ADAM9: variants seen among roughly 807,000 people sequenced by gnomAD.
The protein encoded by ADAM9 is ADAM metallopeptidase domain 9.
ADAM9 carries 54 observed loss-of-function variants against 108.1 expected under a neutral mutation model. That is an observed-to-expected ratio of 0.50 (90% CI 0.40 to 0.63). The LOEUF (loss-of-function observed/expected upper bound fraction) is 0.63, where lower values mean the gene tolerates loss of function less well. ADAM9 is among the 20% of genes least tolerant of loss of function. The probability of loss-of-function intolerance (pLI) is 0.00; values close to 1 mark genes in which losing one functional copy is unlikely to be tolerated. For missense variants in ADAM9, 830 were observed against 997.7 expected (o/e 0.83, Z 2.26); for synonymous variants, 316 against 336.0 (o/e 0.94, Z 0.65).
At chr8:39,013,931 C>CAT (rs1564236988) in intron 3 of ADAM9, 34 bp from the exon 4 acceptor site, 3 of 1,514,064 alleles carry the variant, frequency 2.0e-6, no homozygotes, top group South Asian at 2.2e-5. Flanking sequence ...AGATAGATAA[C>CAT]ATATATATAA....
chr8:39,032,587 T>C (rs1215495628), intron 11 of ADAM9, among the ~76,000 whole-genome samples: 1 of 152,262 alleles, frequency 6.6e-6, no homozygotes, highest in Non-Finnish European at 1.5e-5. Flanking sequence ...CGGCTTCCCT[T>C]GGCTAGGAGA....
intron 1 of ADAM9, among the ~76,000 whole-genome samples, chr8:39,004,510 T>G (rs1200092838): frequency 6.6e-6 from 1 of 152,228 alleles, no homozygotes; most frequent in Non-Finnish European, 1.5e-5. Flanking sequence ...CTACCATGCC[T>G]GGCCAGCATA....
chr8:39,078,887 T>G (rs1838933139), intron 16 of ADAM9, among the ~76,000 whole-genome samples: 1 of 152,342 alleles, frequency 6.6e-6, no homozygotes, highest in Admixed American at 6.5e-5. Flanking sequence ...AATTCAATTT[T>G]CTTATGCAAA....
intron 10 of ADAM9, 26 bp downstream of exon 10, chr8:39,025,910 T>C (rs762894912): frequency 1.9e-6 from 3 of 1,604,050 alleles, no homozygotes; most frequent in Non-Finnish European, 2.6e-6. Flanking sequence ...TGTTTAACTT[T>C]GGATGTTTGC....
At chr8:39,063,787 C>G (rs974703692) in intron 14 of ADAM9, among the ~76,000 whole-genome samples, 4 of 152,096 alleles carry the variant, frequency 2.6e-5, no homozygotes, top group Non-Finnish European at 5.9e-5. Flanking sequence ...AAAGTCTCCC[C>G]ACATGTCCTC....
In ADAM9 at chr8:38,997,023, A is replaced by G; in HGVS notation, c.-41A>G. On this transcript the variant is annotated 5_prime_UTR_variant, in exon 1 of 22. Transcript: ENST00000487273. ...AAAATGATGGAAGAGGCGGAGGTGGAGGCGACCGAGTGCTGAGAGGAACCT... is the reference window on the plus strand; with the variant it reads ...AAAATGATGGAAGAGGCGGAGGTGGGGGCGACCGAGTGCTGAGAGGAACCT... 6.3e-7 allele frequency: 1 copy of G among 1,596,294 alleles called. No homozygotes were observed. The highest frequency in any genetic ancestry group is 8.5e-7 in the Non-Finnish European group (1 of 1,176,358).
At chr8:39,019,357 C>T (rs976311935) in intron 7 of ADAM9, among the ~76,000 whole-genome samples, 1 of 152,156 alleles carries the variant, frequency 6.6e-6, no homozygotes, top group Non-Finnish European at 1.5e-5. Context: ...TCCTGGCATG[C>T]TTTAGAAGGG....
chr8:39,040,199 A>G (rs192533616), intron 11 of ADAM9, among the ~76,000 whole-genome samples: 1 of 152,172 alleles, frequency 6.6e-6, no homozygotes, highest in Non-Finnish European at 1.5e-5. Flanking sequence ...ACAGACGTGC[A>G]CCACCACACC....
chr8:39,098,898 T>C (rs1839593578), intron 20 of ADAM9, among the ~76,000 whole-genome samples: 1 of 152,174 alleles, frequency 6.6e-6, no homozygotes, highest in Non-Finnish European at 1.5e-5. Context: ...GTATTTTTCT[T>C]TGCCAGATGC....
At chr8:39,014,686 G>T in intron 4 of ADAM9, 1 of 610,746 alleles carries the variant, frequency 1.6e-6, no homozygotes, top group Non-Finnish European at 2.9e-6. Context: ...TTTTGCAATG[G>T]TTTTCATGAG....
intron 11 of ADAM9, among the ~76,000 whole-genome samples, chr8:39,037,195 C>T (rs1204372529): frequency 1.3e-5 from 2 of 148,808 alleles, no homozygotes; most frequent in African/African-American, 4.9e-5. Flanking sequence ...GTAGCTGGGA[C>T]TACAGGCGCC....
At chr8:39,019,128 T>C (rs1333129166) in intron 7 of ADAM9, among the ~76,000 whole-genome samples, 1 of 152,218 alleles carries the variant, frequency 6.6e-6, no homozygotes, top group East Asian at 1.9e-4. Flanking sequence ...TAACTTTATC[T>C]TTTATTAATG....
At chr8:39,016,273 A>G (rs1836524122) in intron 5 of ADAM9, 79 bp downstream of exon 5, 13 of 1,323,642 alleles carry the variant, frequency 9.8e-6, no homozygotes, top group Admixed American at 1.7e-5. Flanking sequence ...TCCAAATTAA[A>G]TCATTTTGGG....
intron 13 of ADAM9, 89 bp from the exon 14 acceptor site, chr8:39,055,488 T>G: frequency 7.5e-7 from 1 of 1,325,494 alleles, no homozygotes; most frequent in Non-Finnish European, 1.1e-6. Flanking sequence ...TTAGAATGCT[T>G]TATAGATGTA....
At chr8:39,039,370 T>C (rs538193054) in intron 11 of ADAM9, among the ~76,000 whole-genome samples, 44 of 152,348 alleles carry the variant, frequency 2.9e-4, no homozygotes, top group African/African-American at 1.0e-3. Flanking sequence ...GATTAACACA[T>C]CCATCATTCC....
chr8:39,096,378 A>C (rs755026321), intron 20 of ADAM9, among the ~76,000 whole-genome samples: 6 of 152,284 alleles, frequency 3.9e-5, no homozygotes, highest in Admixed American at 1.3e-4. Context: ...AAAATATTTT[A>C]TAAATTTATA....
At chr8:39,067,081 T>C (rs1417826644) in intron 14 of ADAM9, among the ~76,000 whole-genome samples, 1 of 152,226 alleles carries the variant, frequency 6.6e-6, no homozygotes, top group Non-Finnish European at 1.5e-5. Context: ...GTATTATTTC[T>C]GAGGGCTCTG....
At chr8:39,082,130 A>G (rs1397962182) in intron 16 of ADAM9, among the ~76,000 whole-genome samples, 1 of 152,184 alleles carries the variant, frequency 6.6e-6, no homozygotes, top group Non-Finnish European at 1.5e-5. Context: ...TCATGGTACT[A>G]GAAAACAGAT....
At chr8:39,034,932 T>C (rs1588360855) in intron 11 of ADAM9, among the ~76,000 whole-genome samples, 1 of 152,208 alleles carries the variant, frequency 6.6e-6, no homozygotes, top group African/African-American at 2.4e-5. Flanking sequence ...ATATCCTGCT[T>C]AGAAATTTTT....
Sources: gnomAD v4.1 joint callset for allele counts (sites outside exome capture counted in the v4.1 genomes callset) on GRCh38, gnomAD v4.1.1 for gene constraint, MANE v1.5 for transcripts, NCBI Gene and HGNC (gene_info 2026-07-23, HGNC 2026-07-21) for gene names.